The following DPH6 variants were observed in gnomAD, a reference collection of about 807,000 sequenced individuals.
DPH6 encodes the protein diphthamine biosynthesis 6, also known as diphthine--ammonia ligase.
DPH6 carries 33 observed loss-of-function variants against 38.2 expected under a neutral mutation model. The ratio of observed to expected loss-of-function variants is 0.86; its 90% CI spans 0.65 to 1.15. The LOEUF (loss-of-function observed/expected upper bound fraction) is 1.15. Ranked by LOEUF, DPH6 falls within the 50% of genes most tolerant of loss-of-function variation. The pLI is 0.00. For missense variants in DPH6, 325 were observed against 320.0 expected (o/e 1.02, Z -0.12); for synonymous variants, 108 against 103.0 (o/e 1.05, Z -0.30).
chr15:35,205,866 ATCC>A, the DPH6 span, among the ~76,000 whole-genome samples: 1 of 152,134 alleles, frequency 6.6e-6, no homozygotes, highest in Non-Finnish European at 1.5e-5. Flanking sequence ...TTAAAAAATA[ATCC>A]CACTGTCGGG....
intron 3 of DPH6, among the ~76,000 whole-genome samples, chr15:35,243,842 CCTTT>C (rs1200938181): frequency 6.6e-6 from 1 of 152,186 alleles, no homozygotes; most frequent in Non-Finnish European, 1.5e-5. Context: ...ATGAAAAATT[CCTTT>C]CTATTTTGCA....
At chr15:35,194,561 A>AT in the DPH6 span, among the ~76,000 whole-genome samples, 1 of 152,018 alleles carries the variant, frequency 6.6e-6, no homozygotes, top group South Asian at 2.1e-4. Flanking sequence ...ATAATAACCT[A>AT]TTTTTCTGGT....
chr15:35,278,440 A>G (rs886829206), intron 3 of DPH6, among the ~76,000 whole-genome samples: 2 of 152,250 alleles, frequency 1.3e-5, no homozygotes, highest in Non-Finnish European at 2.9e-5. Flanking sequence ...CCTGGGCAGA[A>G]GCCTGATGCA....
At chr15:35,347,687 T>C (rs2052474300) in intron 3 of DPH6, among the ~76,000 whole-genome samples, 1 of 151,392 alleles carries the variant, frequency 6.6e-6, no homozygotes, top group South Asian at 2.1e-4. Context: ...CTGTAATTTG[T>C]TGAGGAACCG....
At chr15:35,355,705 C>T (rs1489957595) in intron 3 of DPH6, among the ~76,000 whole-genome samples, 2 of 152,208 alleles carry the variant, frequency 1.3e-5, no homozygotes, top group Non-Finnish European at 2.9e-5. Context: ...TTCTCTCTGG[C>T]TGCTCTTAAT....
intron 5 of DPH6, among the ~76,000 whole-genome samples, chr15:35,430,588 T>C (rs1391181776): frequency 6.6e-6 from 1 of 152,078 alleles, no homozygotes; most frequent in Non-Finnish European, 1.5e-5. Context: ...AATCATGATC[T>C]AAAACTATTT....
Position 35,316,059 on chromosome 15 carries a change from G to T in DPH6, n.200+57462C>A, listed in dbSNP as rs192629666. ...GGAAGGGTAGGGGGAAGGGAACTAT[G>T]AAGATAAATTGATTAATAGGTACAA... On this transcript the variant is annotated intron_variant and non_coding_transcript_variant, in intron 3 of 3. Coordinates refer to the DPH6 transcript ENST00000560386. 2.0e-5 allele frequency among the ~76,000 whole-genome samples: 3 copies of T among 152,232 alleles called. No individual in the cohort carries two copies. The East Asian group carries it at 5.8e-4, about 29-fold the overall frequency.
intron 3 of DPH6, among the ~76,000 whole-genome samples, chr15:35,225,670 A>AT (rs1203830768): frequency 3.3e-5 from 5 of 152,128 alleles, no homozygotes; most frequent in South Asian, 2.1e-4. Flanking sequence ...AAAAGTCCAG[A>AT]TTTTTTCTAT....
chr15:35,274,704 G>A (rs964395228), intron 3 of DPH6, among the ~76,000 whole-genome samples: 10 of 151,920 alleles, frequency 6.6e-5, no homozygotes, highest in African/African-American at 1.5e-4. Flanking sequence ...ACCATCTCAC[G>A]CCAGTTAGAA....
chr15:35,172,859 C>A, the DPH6 span, among the ~76,000 whole-genome samples: 2 of 151,824 alleles, frequency 1.3e-5, no homozygotes, highest in African/African-American at 4.8e-5. Flanking sequence ...GCCCTTCTAC[C>A]CTTGCATTTC....
chr15:35,178,084 C>A, the DPH6 span, among the ~76,000 whole-genome samples: 1 of 152,142 alleles, frequency 6.6e-6, no homozygotes, highest in South Asian at 2.1e-4. Context: ...TTTATCATTT[C>A]TTTGTGGCAT....
intron 5 of DPH6, among the ~76,000 whole-genome samples, chr15:35,437,406 G>T (rs1204316491): frequency 2.0e-5 from 3 of 150,690 alleles, no homozygotes; most frequent in Admixed American, 2.0e-4. Flanking sequence ...ACTGGGAGAA[G>T]TTAATTTCCC....
At chr15:35,487,741 A>G (rs1325735576) in intron 3 of DPH6, among the ~76,000 whole-genome samples, 1 of 152,232 alleles carries the variant, frequency 6.6e-6, no homozygotes, top group East Asian at 1.9e-4. Context: ...TTACTCATGC[A>G]AATTTCTGCA....
In DPH6 at chr15:35,293,983, A is replaced by G. The variant is rs566395631; in HGVS notation, n.201-73401T>C. Among the ~76,000 whole-genome samples, 21 of 152,262 alleles carry G rather than the reference A, an allele frequency of 1.4e-4. No individual in the cohort carries two copies. In the South Asian group the frequency reaches 1.9e-3, roughly 14 times the overall value. On this transcript the variant is annotated intron_variant and non_coding_transcript_variant, in intron 3 of 3. Transcript: ENST00000560386. The stretch of plus-strand genomic sequence containing the variant: ...ATCCAACCTCTAGCCTCTAAGTCCT[A>G]CTCAGTAGGGAGAGAGCTTCACATC...
At chr15:35,225,285 T>C (rs1414819481) in intron 3 of DPH6, among the ~76,000 whole-genome samples, 1 of 152,190 alleles carries the variant, frequency 6.6e-6, no homozygotes, top group Non-Finnish European at 1.5e-5. Context: ...AAAAATAACC[T>C]ATTACTGGTG....
intron 5 of DPH6, among the ~76,000 whole-genome samples, chr15:35,448,333 T>A (rs1281917131): frequency 2.0e-5 from 3 of 152,148 alleles, no homozygotes; most frequent in Non-Finnish European, 4.4e-5. Context: ...TTCCCAAAAA[T>A]TATGGGATTT....
downstream of DPH6, among the ~76,000 whole-genome samples, chr15:35,214,475 A>G (rs1307125629): frequency 6.6e-6 from 1 of 152,164 alleles, no homozygotes; most frequent in African/African-American, 2.4e-5. Context: ...CTTTCTTTCT[A>G]TTACTCCCCA....
At position 35,542,437 on chromosome 15, in the gene DPH6, T is replaced by G; in HGVS notation, c.94A>C (p.Asn32His). ...AAGHQIVALA[N>H]LRPAENQVGS... Reference sequence around the variant, plus strand: ...CCTTGGTTTTCAGCTGGTCTTAGATTTGCTAAAGCAACGATCTGATGCCCA... The same window carrying G: ...CCTTGGTTTTCAGCTGGTCTTAGATGTGCTAAAGCAACGATCTGATGCCCA... The change falls in exon 2 of 9, where the codon AAT becomes CAT. Residue 32 changes from asparagine (N) to histidine (H), a missense_variant. Physicochemically the swap from Asn to His is moderately conservative, Grantham distance 68. Transcript: ENST00000256538. 6.4e-7 allele frequency: 1 copy of G among 1,573,176 alleles called. No individual in the cohort carries two copies. The highest frequency in any genetic ancestry group is 8.7e-7 in the Non-Finnish European group (1 of 1,148,394).
chr15:35,520,587 T>C lies in DPH6; in HGVS notation c.312+17687A>G, dbSNP rs2054910025. 5.1e-6 allele frequency: 5 copies of C among 984,696 alleles called. No homozygotes were observed. The South Asian group carries it at 1.9e-4, about 37-fold the overall frequency. The allele number at this position is 984,696 out of a possible 1,614,324, so 61.0% of individuals were successfully genotyped here. On this transcript the variant is annotated intron_variant, in intron 3 of 8. Coordinates refer to ENST00000256538, the MANE Select transcript of DPH6 (RefSeq NM_080650.4). ...AGCATACACAGCATAAAGCTTCTTA[T>C]AATACTACCATTTAATTTTTTTCCA...
Sources: gnomAD v4.1 joint callset for allele counts (sites outside exome capture counted in the v4.1 genomes callset) on GRCh38, gnomAD v4.1.1 for gene constraint, MANE v1.5 for transcripts, NCBI Gene and HGNC (gene_info 2026-07-23, HGNC 2026-07-21) for gene names.